The following MARCHF4 variants were observed in gnomAD, a reference collection of about 807,000 sequenced individuals.
MARCHF4 encodes membrane associated ring-CH-type finger 4.
MARCHF4 carries 14 observed loss-of-function variants against 43.9 expected under a neutral mutation model. The ratio of observed to expected loss-of-function variants is 0.32; its 90% CI spans 0.21 to 0.50. MARCHF4 has a LOEUF of 0.50. Ranked by LOEUF, MARCHF4 falls within the 20% of genes least tolerant of loss-of-function variation. The probability of loss-of-function intolerance (pLI) is 0.98; values close to 1 mark genes in which losing one functional copy is unlikely to be tolerated. For synonymous variants in MARCHF4, 226 were observed against 213.3 expected (o/e 1.06, Z -0.52); for missense variants, 468 against 536.7 (o/e 0.87, Z 1.27).
intron 1 of MARCHF4, chr2:216,318,222 A>T (rs1691815234): frequency 6.6e-6 from 1 of 152,270 alleles, no homozygotes; most frequent in African/African-American, 2.4e-5. Flanking sequence ...CAAGGGAAGC[A>T]GGCAGTTCCT....
rs1316308299 is a variant in MARCHF4 at position 216,326,153 on chromosome 2, C to T, written c.517-42424G>A. On this transcript the variant is annotated intron_variant, in intron 1 of 3. Coordinates refer to ENST00000273067, the MANE Select transcript of MARCHF4 (RefSeq NM_020814.3). ...ACCCCATCAAAAAGTGGGCGAAGGA[C>T]ATGAACAGACACTTCTCAAAAGAAG... 3.9e-4 allele frequency among the ~76,000 whole-genome samples: 59 copies of T among 151,470 alleles called. No homozygotes were observed. In the South Asian group the frequency reaches 0.012, roughly 30 times the overall value.
chr2:216,369,912 C>T lies in MARCHF4; in HGVS notation c.349G>A (p.Asp117Asn). The change falls in exon 1 of 4, where the codon GAT (aspartate) becomes AAT (asparagine). Residue 117 changes from aspartate (D) to asparagine (N), a missense_variant. Physicochemically the swap from Asp to Asn is conservative, Grantham distance 23. Coordinates refer to ENST00000273067, the MANE Select transcript of MARCHF4 (RefSeq NM_020814.3). Reference protein sequence around the residue: ...PPPLPPSSVEDDWGGPATEPP... With the variant: ...PPPLPPSSVENDWGGPATEPP... Reference sequence around the variant, plus strand: ...TCTGTGGCTGGGCCACCCCAGTCATCTTCCACAGAAGAAGGTGGCAAGGGG... The same window carrying T: ...TCTGTGGCTGGGCCACCCCAGTCATTTTCCACAGAAGAAGGTGGCAAGGGG... The T allele has an allele frequency of 6.2e-7, 1 of 1,612,792 alleles. No homozygotes were observed. Among genetic ancestry groups the T allele is most frequent in the Non-Finnish European group, 8.5e-7 (1 of 1,179,470 alleles).
chr2:216,310,853 A>G (rs1452989315), intron 1 of MARCHF4, among the ~76,000 whole-genome samples: 1 of 152,178 alleles, frequency 6.6e-6, no homozygotes, highest in African/African-American at 2.4e-5. Context: ...AAATAGGAGT[A>G]TGGGAGGTCT....
intron 1 of MARCHF4, among the ~76,000 whole-genome samples, chr2:216,330,440 G>T (rs1269930014): frequency 6.6e-6 from 1 of 152,134 alleles, no homozygotes; most frequent in Non-Finnish European, 1.5e-5. Context: ...CATCTCTCTT[G>T]ATAACTGACA....
At chr2:216,336,767 AGC>A (rs1251444052) in intron 1 of MARCHF4, among the ~76,000 whole-genome samples, 98 of 144,972 alleles carry the variant, frequency 6.8e-4, no homozygotes, top group Non-Finnish European at 1.1e-3. Context: ...AAAAAAAAAA[AGC>A]TTTCTGGAAA....
intron 3 of MARCHF4, among the ~76,000 whole-genome samples, chr2:216,272,101 A>T (rs955708070): frequency 1.3e-4 from 19 of 151,638 alleles, no homozygotes; most frequent in African/African-American, 4.6e-4. Context: ...CAATCCTCCC[A>T]GTTTGGCCTC....
At chr2:216,350,496 A>C (rs1311780115) in intron 1 of MARCHF4, among the ~76,000 whole-genome samples, 5 of 147,238 alleles carry the variant, frequency 3.4e-5, no homozygotes, top group African/African-American at 1.3e-4. Context: ...ACATAACCTC[A>C]TCATGCCACA....
chr2:216,265,263 A>G (rs1690826352), intron 3 of MARCHF4, among the ~76,000 whole-genome samples: 1 of 152,188 alleles, frequency 6.6e-6, no homozygotes, highest in South Asian at 2.1e-4. Flanking sequence ...ACTTAATGTA[A>G]TGGTGTTCTA....
At chr2:216,307,594 T>C (rs1053434963) in intron 1 of MARCHF4, among the ~76,000 whole-genome samples, 6 of 151,910 alleles carry the variant, frequency 3.9e-5, no homozygotes, top group African/African-American at 1.5e-4. Context: ...TAAATGCCAA[T>C]ATGAAAAATA....
chr2:216,357,348 G>C (rs1692518617), intron 1 of MARCHF4, among the ~76,000 whole-genome samples: 2 of 151,740 alleles, frequency 1.3e-5, no homozygotes, highest in South Asian at 4.2e-4. Flanking sequence ...TTTTTGACAT[G>C]GTCTTGCTCT....
Position 216,370,138 on chromosome 2 carries a change from G to T in MARCHF4, c.123C>A (p.Arg41=). 6.2e-7 allele frequency: 1 copy of T among 1,608,260 alleles called. No individual in the cohort carries two copies. Among genetic ancestry groups the T allele is most frequent in the African/African-American group, 1.3e-5 (1 of 75,000 alleles). The part of the protein sequence containing the change: ...MLRHQGLLKC[R]CRMLFNDLKV... Reference sequence around the variant, plus strand: ...TCAGGTCATTGAAGAGCATGCGGCAGCGGCACTTGAGGAGACCCTGGTGGC... The same window carrying T: ...TCAGGTCATTGAAGAGCATGCGGCATCGGCACTTGAGGAGACCCTGGTGGC... The change falls in exon 1 of 4, where the codon CGC becomes CGA. Residue 41 remains arginine, a synonymous_variant. Transcript: ENST00000273067.
At chr2:216,304,366 C>T (rs6741060) in intron 1 of MARCHF4, among the ~76,000 whole-genome samples, 10,460 of 152,162 alleles carry the variant, frequency 0.069, 1,189 homozygotes, top group African/African-American at 0.24. Flanking sequence ...ATTATGACTT[C>T]ACAGGATATG....
rs1480955409 is a variant in MARCHF4, at chr2:216,320,609, TTCTTTCTTTCTTTCTTTC to T, written c.517-36898_517-36881del. Among the ~76,000 whole-genome samples, 67 of 35,454 alleles carry T rather than the reference TTCTTTCTTTCTTTCTTTC, an allele frequency of 1.9e-3. 1 individual carries two copies. The highest frequency in any genetic ancestry group is 6.3e-3 in the Admixed American group (20 of 3,168). 23.3% of individuals were successfully genotyped at this position (35,454 alleles called of 152,430 possible). On this transcript the variant is annotated intron_variant, in intron 1 of 3. Transcript: ENST00000273067. ...AAGGTTGTAGAGCTATAGCCTCTTT[TTCTTTCTTTCTTTCTTTC>T]TTTCTTTCTTTCTTTCTTTCTTTCT... is the stretch of plus-strand genomic sequence containing the variant.
In MARCHF4 at chr2:216,370,436, TGA is replaced by T. The variant is rs1215231557; in HGVS notation, c.-178_-177del. Reference sequence around the variant, plus strand: ...AAATTGCTCCCAGGACTGAGAAGTGTGAGTCACTGGTTCTGAACTCCACCTGG... The same window carrying T: ...AAATTGCTCCCAGGACTGAGAAGTGTGTCACTGGTTCTGAACTCCACCTGG... On this transcript the variant is annotated 5_prime_UTR_variant, in exon 1 of 4. Transcript: ENST00000273067. The T allele has an allele frequency of 1.9e-6, 1 of 533,292 alleles. No homozygotes were observed. Among genetic ancestry groups the T allele is most frequent in the Non-Finnish European group, 3.2e-6 (1 of 308,144 alleles). The allele number at this position is 533,292 out of a possible 1,614,324, so 33.0% of individuals were successfully genotyped here.
intron 3 of MARCHF4, among the ~76,000 whole-genome samples, chr2:216,265,128 T>C (rs563789830): frequency 9.9e-5 from 15 of 152,020 alleles, no homozygotes; most frequent in East Asian, 3.9e-4. Context: ...CTGGATTCGA[T>C]TGGGAAGAAA....
chr2:216,308,480 C>A (rs1691627003), intron 1 of MARCHF4, among the ~76,000 whole-genome samples: 1 of 152,244 alleles, frequency 6.6e-6, no homozygotes, highest in Non-Finnish European at 1.5e-5. Context: ...GAATCTGTTT[C>A]CTGTATCACC....
Position 216,348,101 on chromosome 2 carries a change from G to C in MARCHF4, c.516+21644C>G, listed in dbSNP as rs188919685. On this transcript the variant is annotated intron_variant, in intron 1 of 3. Coordinates refer to ENST00000273067, the MANE Select transcript of MARCHF4 (RefSeq NM_020814.3). ...TGCCCAGGCTGGAGTGCAATGGCGT[G>C]ATCTCAGCTCACTGAAACCTCCGCC... Among the ~76,000 whole-genome samples the C allele has an allele frequency of 2.8e-5, 4 of 144,732 alleles. No homozygotes were observed. In the East Asian group the frequency reaches 6.4e-4, roughly 23 times the overall value. 94.9% of individuals were successfully genotyped at this position (144,732 alleles called of 152,430 possible).
chr2:216,370,209 C>T lies in MARCHF4; in HGVS notation c.52G>A (p.Gly18Ser), dbSNP rs760875312. 1 of 1,611,544 alleles carries T rather than the reference C, an allele frequency of 6.2e-7. No individual in the cohort carries two copies. The highest frequency in any genetic ancestry group is 8.5e-7 in the Non-Finnish European group (1 of 1,178,494). ...GCACACAATCCATAGCAGTACCAGC[C>T]GGAGCAGCAGCACCACCACCACCAG... is the stretch of plus-strand genomic sequence containing the variant. ...LLWWWWCCCS[G>S]WYCYGLCAPA... The change falls in exon 1 of 4, where the codon GGC becomes AGC. Residue 18 changes from glycine to serine, a missense_variant. By Grantham distance (56) the Gly-to-Ser change is moderately conservative. This residue lies in a region of MARCHF4 where 190 missense variants were observed against 158.5 expected (regional missense o/e 1.20). Coordinates refer to ENST00000273067, the MANE Select transcript of MARCHF4 (RefSeq NM_020814.3).
At chr2:216,332,111 C>T (rs919877146) in intron 1 of MARCHF4, among the ~76,000 whole-genome samples, 1 of 152,118 alleles carries the variant, frequency 6.6e-6, no homozygotes, top group African/African-American at 2.4e-5. Flanking sequence ...GAATTTGGGG[C>T]CGGGCACAGT....
Sources: gnomAD v4.1 joint callset for allele counts (sites outside exome capture counted in the v4.1 genomes callset) on GRCh38, gnomAD v4.1.1 for gene constraint, gnomAD v4.1.1 regional missense constraint, MANE v1.5 for transcripts, NCBI Gene and HGNC (gene_info 2026-07-23, HGNC 2026-07-21) for gene names.